EXD1: variants seen among roughly 807,000 people sequenced by gnomAD.
EXD1 encodes piRNA biogenesis protein EXD1.
A neutral mutation model predicts 49.1 loss-of-function variants in EXD1; 63 were observed. That is an observed-to-expected ratio of 1.28 (90% CI 1.05 to 1.58). EXD1 has a LOEUF of 1.58. Among genes scored for constraint, EXD1 ranks in the 40% most tolerant of loss-of-function variants. The pLI is 0.00. For missense variants in EXD1, 748 were observed against 666.0 expected (o/e 1.12, Z -1.36); for synonymous variants, 234 against 239.2 (o/e 0.98, Z 0.20).
intron 3 of EXD1, among the ~76,000 whole-genome samples, chr15:41,217,737 T>C (rs1207080117): frequency 2.0e-5 from 3 of 152,084 alleles, no homozygotes; most frequent in Non-Finnish European, 4.4e-5. Context: ...GGTTTCACCA[T>C]TGTGGCCAGG....
At chr15:41,186,963 C>T (rs1221952267) in intron 11 of EXD1, among the ~76,000 whole-genome samples, 2 of 151,362 alleles carry the variant, frequency 1.3e-5, no homozygotes, top group African/African-American at 4.9e-5. Context: ...CAGCTCACCG[C>T]AACCTCCGCC....
At chr15:41,207,577 C>T (rs1302666656) in intron 7 of EXD1, among the ~76,000 whole-genome samples, 1 of 151,974 alleles carries the variant, frequency 6.6e-6, no homozygotes, top group Non-Finnish European at 1.5e-5. Flanking sequence ...AACGTAGTGC[C>T]TCTGAAGTGG....
At chr15:41,215,691 A>AT in intron 6 of EXD1, 84 bp downstream of exon 6, 1 of 1,451,098 alleles carries the variant, frequency 6.9e-7, no homozygotes, top group Non-Finnish European at 9.6e-7. Flanking sequence ...GTCTCAAAAA[A>AT]AAAAAGAAAG....
intron 7 of EXD1, among the ~76,000 whole-genome samples, chr15:41,207,707 C>T (rs2046855281): frequency 1.3e-5 from 2 of 151,698 alleles, no homozygotes; most frequent in South Asian, 4.2e-4. Context: ...CTGGGGAAAA[C>T]CTGTCCATTA....
chr15:41,216,302 G>GT (rs1248464532), intron 5 of EXD1, among the ~76,000 whole-genome samples: 1 of 139,196 alleles, frequency 7.2e-6, no homozygotes, highest in Non-Finnish European at 1.5e-5. Context: ...GACTGACCTG[G>GT]TTAAAAAAAA....
At chr15:41,218,687 T>C (rs1018654171) in intron 3 of EXD1, among the ~76,000 whole-genome samples, 5 of 152,026 alleles carry the variant, frequency 3.3e-5, no homozygotes, top group Non-Finnish European at 5.9e-5. Flanking sequence ...TCTGTTTCAC[T>C]TCAAAGGCTG....
chr15:41,184,298 T>C lies in EXD1; in HGVS notation c.1352A>G (p.Gln451Arg). The C allele has an allele frequency of 1.2e-6, 2 of 1,614,224 alleles. No homozygotes were observed. Among genetic ancestry groups the C allele is most frequent in the South Asian group, 2.2e-5 (2 of 91,088 alleles). Residue 451 changes from glutamine to arginine, a missense_variant, in exon 12 of 12, where the codon CAA becomes CGA. By Grantham distance (43) the Gln-to-Arg change is conservative. Coordinates refer to ENST00000458580, the MANE Select transcript of EXD1 (RefSeq NM_001286441.2). ...CCCTTCCTCTGTGGGAGGTAGATGT[T>C]GAGGATTTGTAGCTTGTTTATTCAA... Reference protein sequence around the residue: ...ESLNKQATNPQHLPPTEEGET... With the variant: ...ESLNKQATNPRHLPPTEEGET...
chr15:41,216,465 C>T (rs2047000118), intron 5 of EXD1, among the ~76,000 whole-genome samples: 1 of 151,980 alleles, frequency 6.6e-6, no homozygotes, highest in Non-Finnish European at 1.5e-5. Context: ...AACCCCGTCT[C>T]TACTAAAAAT....
chr15:41,226,441 A>T lies in EXD1; in HGVS notation c.133+2T>A, dbSNP rs1330189002. 1 of 1,535,926 alleles carries T rather than the reference A, an allele frequency of 6.5e-7. No individual in the cohort carries two copies. The highest frequency in any genetic ancestry group is 2.0e-5 in the Admixed American group (1 of 50,964). ...AGAACATTATAAGAAATAGAACAAG[A>T]CCTTTCTTCAGGACAACAATCTTAT... On this transcript the variant is annotated splice_donor_variant, in intron 2 of 11. Transcript: ENST00000458580. LOFTEE classifies it high-confidence loss of function.
chr15:41,221,991 G>A (rs939989507), intron 2 of EXD1, among the ~76,000 whole-genome samples: 1 of 151,128 alleles, frequency 6.6e-6, no homozygotes, highest in African/African-American at 2.4e-5. Flanking sequence ...TCCCAACTAC[G>A]TGGGAGGCTG....
Position 41,191,480 on chromosome 15 carries a change from A to G in EXD1, c.826T>C (p.Tyr276His). The G allele has an allele frequency of 6.2e-7, 1 of 1,612,736 alleles. No individual in the cohort carries two copies. The highest frequency in any genetic ancestry group is 8.5e-7 in the Non-Finnish European group (1 of 1,178,860). The part of the protein sequence containing the change: ...LIKHLQVAPK[Y>H]LSFLEKRQKL... ...TGTCTCTTTTCTAGAAAGGAGAGATATTTAGGGGCTACTTGAAGGTGTTTG... is the reference window on the plus strand; with the variant it reads ...TGTCTCTTTTCTAGAAAGGAGAGATGTTTAGGGGCTACTTGAAGGTGTTTG... Residue 276 changes from tyrosine (Y) to histidine (H), a missense_variant, in exon 10 of 12, where the codon TAT (tyrosine) becomes CAT (histidine). Physicochemically the swap from Tyr to His is moderately conservative, Grantham distance 83 (BLOSUM62 2). Transcript: ENST00000458580.
intron 6 of EXD1, among the ~76,000 whole-genome samples, chr15:41,211,501 T>TA (rs1274068861): frequency 6.6e-6 from 1 of 151,896 alleles, no homozygotes; most frequent in Non-Finnish European, 1.5e-5. Flanking sequence ...AACTCAATGA[T>TA]AAAAATAATT....
At chr15:41,229,373 G>C (rs1385251835) in intron 1 of EXD1, among the ~76,000 whole-genome samples, 1 of 152,108 alleles carries the variant, frequency 6.6e-6, no homozygotes, top group Non-Finnish European at 1.5e-5. Flanking sequence ...AGCTACTCAG[G>C]AGGCTGAGGC....
intron 2 of EXD1, among the ~76,000 whole-genome samples, chr15:41,225,761 G>A (rs1309155502): frequency 1.3e-5 from 2 of 151,708 alleles, no homozygotes; most frequent in Non-Finnish European, 2.9e-5. Flanking sequence ...GGTGGTGTGT[G>A]CCCGTAATTC....
At chr15:41,197,951 G>A (rs921552485) in intron 7 of EXD1, among the ~76,000 whole-genome samples, 38 of 152,044 alleles carry the variant, frequency 2.5e-4, no homozygotes, top group African/African-American at 8.7e-4. Context: ...TTGAACCCTG[G>A]AGGCAGAGGT....
rs567789458 is a variant in EXD1 at position 41,187,027 on chromosome 15, G to A, written c.1057-2434C>T. 3.8e-3 allele frequency among the ~76,000 whole-genome samples: 573 copies of A among 152,034 alleles called. 3 individuals carry two copies. The highest frequency in any genetic ancestry group is 0.02 in the South Asian group (97 of 4,820). ...AGCCTCCCGAGTAGCTGGCATTACA[G>A]GCATGCGCCACCATGCCCGGCTAAT... On this transcript the variant is annotated intron_variant, in intron 11 of 11. Coordinates refer to ENST00000458580, the MANE Select transcript of EXD1 (RefSeq NM_001286441.2).
chr15:41,204,891 T>C (rs1326659792), intron 7 of EXD1, among the ~76,000 whole-genome samples: 13 of 152,138 alleles, frequency 8.5e-5, no homozygotes, highest in Admixed American at 3.3e-4. Flanking sequence ...CCCCATTCTA[T>C]AGAGGGTCCC....
At position 41,195,986 on chromosome 15, in the gene EXD1, G is replaced by A. The variant is rs376665334; in HGVS notation, c.586C>T (p.Arg196Ter). The change falls in exon 8 of 12, where the codon CGA becomes TGA. Residue 196 changes from arginine (R) to a stop codon, truncating the protein, a stop_gained. Transcript: ENST00000458580. LOFTEE classifies it high-confidence loss of function. ...YLFDIFLLGS[R>*]AFHNGLQMIL... ...ATCTGAAGTCCATTGTGGAAAGCTC[G>A]ACTTCCCAGAAGGAAAATGTCAAAT... 1.5e-5 allele frequency: 25 copies of A among 1,613,110 alleles called. No homozygotes were observed. The highest frequency in any genetic ancestry group is 1.1e-4 in the East Asian group (5 of 44,880).
chr15:41,197,785 G>A (rs992550682), intron 7 of EXD1, among the ~76,000 whole-genome samples: 2 of 146,576 alleles, frequency 1.4e-5, no homozygotes, highest in African/African-American at 4.9e-5. Context: ...CACCACACCT[G>A]GCTAATTTTT....
Sources: allele counts gnomAD v4.1 joint callset (sites outside exome capture counted in the v4.1 genomes callset), GRCh38; gene constraint gnomAD v4.1.1; transcripts MANE v1.5; gene names NCBI Gene and HGNC (gene_info 2026-07-23, HGNC 2026-07-21).